The following BTBD9 variants were observed in gnomAD, a reference collection of about 807,000 sequenced individuals.
BTBD9 encodes the protein BTB domain containing 9, also known as BTB/POZ domain-containing protein 9.
In BTBD9, 49 loss-of-function variants were observed where a neutral mutation model predicts 64.3. The ratio of observed to expected loss-of-function variants is 0.76; its 90% CI spans 0.61 to 0.97. The LOEUF (loss-of-function observed/expected upper bound fraction) is 0.97. BTBD9 is among the 50% of genes least tolerant of loss of function. The pLI is 0.00. For missense variants in BTBD9, 598 were observed against 762.1 expected (o/e 0.78, Z 2.53); for synonymous variants, 260 against 274.7 (o/e 0.95, Z 0.53).
intron 6 of BTBD9, among the ~76,000 whole-genome samples, chr6:38,549,759 C>T (rs1413317097): frequency 6.6e-6 from 1 of 152,138 alleles, no homozygotes; most frequent in Admixed American, 6.6e-5. Flanking sequence ...ATGCTGTTCC[C>T]AGTCCCTCTC....
intron 7 of BTBD9, among the ~76,000 whole-genome samples, chr6:38,293,678 T>A (rs1401487244): frequency 1.3e-5 from 2 of 152,210 alleles, no homozygotes; most frequent in Non-Finnish European, 2.9e-5. Flanking sequence ...CAAGATGGAT[T>A]AAAGTCTTAA....
intron 6 of BTBD9, among the ~76,000 whole-genome samples, chr6:38,395,104 G>A (rs1209235212): frequency 6.6e-6 from 1 of 152,098 alleles, no homozygotes; most frequent in Non-Finnish European, 1.5e-5. Flanking sequence ...CATGAGTGAG[G>A]AGCCCTCATG....
chr6:38,507,486 ACC>A (rs1772579466), intron 6 of BTBD9, among the ~76,000 whole-genome samples: 1 of 152,076 alleles, frequency 6.6e-6, no homozygotes, highest in Non-Finnish European at 1.5e-5. Flanking sequence ...ACACTCTTCA[ACC>A]CTCTTCTCTC....
intron 1 of BTBD9, among the ~76,000 whole-genome samples, chr6:38,631,092 T>C (rs1260011365): frequency 6.6e-6 from 1 of 152,204 alleles, no homozygotes; most frequent in Non-Finnish European, 1.5e-5. Context: ...ATGTATAGAA[T>C]AGAATAGGAT....
chr6:38,594,398 GTT>G (rs1776951272), intron 2 of BTBD9, 71 bp from the exon 3 acceptor site: 2 of 1,477,238 alleles, frequency 1.4e-6, no homozygotes, highest in African/African-American at 2.8e-5. Flanking sequence ...GGAAATAACA[GTT>G]ATCAACATTA....
At chr6:38,537,245 A>T (rs976365118) in intron 6 of BTBD9, among the ~76,000 whole-genome samples, 1 of 152,222 alleles carries the variant, frequency 6.6e-6, no homozygotes, top group Non-Finnish European at 1.5e-5. Flanking sequence ...CAAAAAACAG[A>T]GTTAAACGAT....
intron 2 of BTBD9, among the ~76,000 whole-genome samples, chr6:38,597,556 G>A (rs903976447): frequency 6.6e-6 from 1 of 152,106 alleles, no homozygotes. Context: ...AGGTCCACAG[G>A]GCAGTCTACC....
In BTBD9 at chr6:38,266,597, G is replaced by A. The variant is rs62397018; in HGVS notation, c.1455-10081C>T. Reference sequence around the variant, plus strand: ...TCAACAAGAAAGAAAGGAAAGAAAGGAAAGAAAGGAAAGAAAGAAAGAAAG... The same window carrying A: ...TCAACAAGAAAGAAAGGAAAGAAAGAAAAGAAAGGAAAGAAAGAAAGAAAG... On this transcript the variant is annotated intron_variant, in intron 8 of 10. Transcript: ENST00000481247. Among the ~76,000 whole-genome samples, 8 of 94,082 alleles carry A rather than the reference G, an allele frequency of 8.5e-5. No homozygotes were observed. In the South Asian group the frequency reaches 2.1e-3, roughly 25 times the overall value. The allele number at this position is 94,082 out of a possible 152,430, so 61.7% of individuals were successfully genotyped here. A position where few individuals can be genotyped will look rare whatever the true frequency, so the allele number is the denominator to read the frequency against.
At chr6:38,561,021 T>A (rs1775241169) in intron 6 of BTBD9, among the ~76,000 whole-genome samples, 1 of 152,184 alleles carries the variant, frequency 6.6e-6, no homozygotes, top group African/African-American at 2.4e-5. Flanking sequence ...CTTTGCTTTA[T>A]AAATAATGCT....
Position 38,608,529 on chromosome 6 carries a change from T to TA in BTBD9, c.-27-10409dup, listed in dbSNP as rs748987148. On this transcript the variant is annotated intron_variant, in intron 1 of 10. Coordinates refer to ENST00000481247, the MANE Select transcript of BTBD9 (RefSeq NM_001099272.2). ...AGGTTATTATAGCATGAACTCCCAT[T>TA]AAAGCAGTGGAATCATCAATTGCAG... 1.1e-4 allele frequency among the ~76,000 whole-genome samples: 16 copies of TA among 152,336 alleles called. 1 individual carries two copies. The East Asian group carries it at 1.3e-3, about 13-fold the overall frequency.
chr6:38,473,922 A>G (rs1770762566), intron 6 of BTBD9, among the ~76,000 whole-genome samples: 1 of 152,162 alleles, frequency 6.6e-6, no homozygotes. Context: ...GACTAGGGGA[A>G]GAGTATTCTA....
chr6:38,400,804 A>T (rs1322948389), intron 6 of BTBD9, among the ~76,000 whole-genome samples: 2 of 152,234 alleles, frequency 1.3e-5, no homozygotes, highest in Non-Finnish European at 2.9e-5. Context: ...ATAATTTTTT[A>T]AAAGAATTTA....
intron 4 of BTBD9, chr6:38,588,359 C>A: frequency 1.1e-6 from 1 of 870,490 alleles, no homozygotes; most frequent in Non-Finnish European, 2.0e-6. Flanking sequence ...TATACTGTGG[C>A]CCCTGCCTCT....
chr6:38,385,391 T>C (rs1020905189), intron 6 of BTBD9, among the ~76,000 whole-genome samples: 1 of 151,876 alleles, frequency 6.6e-6, no homozygotes, highest in Non-Finnish European at 1.5e-5. Flanking sequence ...GGTTTCACCA[T>C]GTTAGCCAGC....
chr6:38,185,256 AG>A (rs1364086449), intron 10 of BTBD9, among the ~76,000 whole-genome samples: 3 of 152,178 alleles, frequency 2.0e-5, no homozygotes, highest in Non-Finnish European at 4.4e-5. Flanking sequence ...CCCAGAGTTA[AG>A]GGGCTTTTTA....
Position 38,171,332 on chromosome 6 carries a change from T to C in BTBD9, c.*3653A>G, listed in dbSNP as rs1433619402. 6.6e-6 allele frequency: 1 copy of C among 152,182 alleles called. No homozygotes were observed. Among genetic ancestry groups the C allele is most frequent in the Non-Finnish European group, 1.5e-5 (1 of 68,036 alleles). The allele number at this position is 152,182 out of a possible 1,614,324, so 9.4% of individuals were successfully genotyped here. A position where few individuals can be genotyped will look rare whatever the true frequency, so the allele number is the denominator to read the frequency against. Reference sequence around the variant, plus strand: ...TCTCTTTTTTGCCAAGGAATCAGTTTAACAAACATCCTACTCTTGCTGAAA... The same window carrying C: ...TCTCTTTTTTGCCAAGGAATCAGTTCAACAAACATCCTACTCTTGCTGAAA... On this transcript the variant is annotated 3_prime_UTR_variant, in exon 11 of 11. Transcript: ENST00000481247.
chr6:38,623,771 C>T (rs1778077557), intron 1 of BTBD9, among the ~76,000 whole-genome samples: 1 of 152,202 alleles, frequency 6.6e-6, no homozygotes, highest in African/African-American at 2.4e-5. Flanking sequence ...TATTTTTAAA[C>T]TCCTTGTCAA....
intron 10 of BTBD9, among the ~76,000 whole-genome samples, chr6:38,188,529 T>C (rs1404766847): frequency 6.6e-6 from 1 of 152,220 alleles, no homozygotes; most frequent in Non-Finnish European, 1.5e-5. Context: ...AGACAGACCT[T>C]TCCATGCCAT....
At chr6:38,575,747 C>T (rs1400419534) in intron 6 of BTBD9, among the ~76,000 whole-genome samples, 7 of 151,818 alleles carry the variant, frequency 4.6e-5, no homozygotes, top group Non-Finnish European at 2.9e-5. Context: ...AGATTCTTTC[C>T]TTTTCTTGTT....
Sources: allele counts gnomAD v4.1 joint callset (sites outside exome capture counted in the v4.1 genomes callset), GRCh38; gene constraint gnomAD v4.1.1; transcripts MANE v1.5; gene names NCBI Gene and HGNC (gene_info 2026-07-23, HGNC 2026-07-21).